The following TCTN2 variants were observed in gnomAD, a reference collection of about 807,000 sequenced individuals.
TCTN2 encodes the protein tectonic family member 2.
A neutral mutation model predicts 83.4 loss-of-function variants in TCTN2; 66 were observed. That is an observed-to-expected ratio of 0.79 (90% CI 0.65 to 0.97). The LOEUF (loss-of-function observed/expected upper bound fraction) is 0.97, where lower values mean the gene tolerates loss of function less well. TCTN2 is among the 50% of genes least tolerant of loss of function. The pLI is 0.00. For missense variants in TCTN2, 794 were observed against 858.1 expected (o/e 0.93, Z 0.93); for synonymous variants, 301 against 326.7 (o/e 0.92, Z 0.85).
chr12:123,704,325 C>G (rs1366732507), intron 14 of TCTN2, among the ~76,000 whole-genome samples: 1 of 152,108 alleles, frequency 6.6e-6, no homozygotes, highest in Admixed American at 6.6e-5. Flanking sequence ...ACATTTTAAA[C>G]ACAATTTTTA....
chr12:123,672,526 A>C (rs1321000883), intron 3 of TCTN2, among the ~76,000 whole-genome samples: 1 of 152,034 alleles, frequency 6.6e-6, no homozygotes. Context: ...GCTTGAGCCC[A>C]GGAGTTCCAG....
rs184900186 is a variant in TCTN2, at chr12:123,703,010, T to C, written c.1613-1522T>C. Among the ~76,000 whole-genome samples the C allele has an allele frequency of 2.0e-3, 306 of 152,284 alleles. 1 individual carries two copies. The highest frequency in any genetic ancestry group is 6.7e-3 in the African/African-American group (279 of 41,572). On this transcript the variant is annotated intron_variant, in intron 14 of 17. Coordinates refer to ENST00000303372, the MANE Select transcript of TCTN2 (RefSeq NM_024809.5). ...ATAGAACCTACCCTACTTCCTCCAA[T>C]TGACCTTGCTGGGTTTTCTCCAAGA...
rs771100210 is a variant in TCTN2, at chr12:123,699,749, C to T, written c.1551C>T (p.His517=). The change falls in exon 14 of 18, where the codon CAC becomes CAT. Residue 517 remains histidine, a synonymous_variant. Transcript: ENST00000303372. ...TTGATTCATTAATACAAGCGACTCA[C>T]GTTGCAATGAGAGGCAACTCCGATT... The part of the protein sequence containing the change: ...ERLDSLIQAT[H]VAMRGNSDYA... 15 of 1,614,200 alleles carry T rather than the reference C, an allele frequency of 9.3e-6. No homozygotes were observed. The highest frequency in any genetic ancestry group is 8.8e-5 in the South Asian group (8 of 91,090).
intron 4 of TCTN2, among the ~76,000 whole-genome samples, chr12:123,676,412 C>CA (rs1439610743): frequency 6.6e-5 from 10 of 151,528 alleles, no homozygotes; most frequent in Admixed American, 1.3e-4. Flanking sequence ...ACTAAAAATA[C>CA]AAAAAATTAG....
rs202078439 is a variant in TCTN2 at position 123,696,472 on chromosome 12, C to T, written c.1370C>T (p.Thr457Met). 7 of 1,613,946 alleles carry T rather than the reference C, an allele frequency of 4.3e-6. No individual in the cohort carries two copies. In the Admixed American group the frequency reaches 6.7e-5, roughly 15 times the overall value. ...AATATCAACAGGATGAATAATGTCACGACTTTACATCTTTGGCAATCGGGT... is the reference window on the plus strand; with the variant it reads ...AATATCAACAGGATGAATAATGTCATGACTTTACATCTTTGGCAATCGGGT... ...ALNINRMNNV[T>M]TLHLWQSAGR... Residue 457 changes from threonine (T) to methionine (M), a missense_variant, in exon 12 of 18, where the codon ACG becomes ATG. Thr to Met is a moderately conservative substitution (Grantham distance 81, BLOSUM62 -1). Coordinates refer to ENST00000303372, the MANE Select transcript of TCTN2 (RefSeq NM_024809.5).
intron 1 of TCTN2, 70 bp from the exon 2 acceptor site, chr12:123,671,437 C>T: frequency 6.3e-7 from 1 of 1,588,762 alleles, no homozygotes. Context: ...CAAAGCAAGC[C>T]GCCACACACA....
rs528023724 is a variant in TCTN2, at chr12:123,680,030, C to G, written c.564+741C>G. 2.0e-5 allele frequency among the ~76,000 whole-genome samples: 3 copies of G among 152,014 alleles called. No individual in the cohort carries two copies. The East Asian group carries it at 5.9e-4, about 30-fold the overall frequency. ...CGGGGATTACAGGCGTGAGCCACCGCGCCCAGCCCAAATTGAGTATTTTTT... is the reference window on the plus strand; with the variant it reads ...CGGGGATTACAGGCGTGAGCCACCGGGCCCAGCCCAAATTGAGTATTTTTT... On this transcript the variant is annotated intron_variant, in intron 5 of 17. Coordinates refer to ENST00000303372, the MANE Select transcript of TCTN2 (RefSeq NM_024809.5).
chr12:123,674,052 T>G (rs1955790494), intron 4 of TCTN2, among the ~76,000 whole-genome samples: 1 of 152,180 alleles, frequency 6.6e-6, no homozygotes, highest in African/African-American at 2.4e-5. Flanking sequence ...AGCTTACCTG[T>G]TTGATTATAA....
At chr12:123,694,786 A>G (rs1956087103) in intron 9 of TCTN2, 56 bp from the exon 10 acceptor site, 1 of 1,591,738 alleles carries the variant, frequency 6.3e-7, no homozygotes, top group African/African-American at 1.3e-5. Flanking sequence ...CCTCCCAGTA[A>G]CAGAGTCAGG....
At chr12:123,703,717 T>C (rs1013035395) in intron 14 of TCTN2, among the ~76,000 whole-genome samples, 2 of 152,184 alleles carry the variant, frequency 1.3e-5, no homozygotes, top group African/African-American at 4.8e-5. Flanking sequence ...CTCAAACTCC[T>C]GGGCTCAAGC....
chr12:123,700,721 G>T (rs1204481388), intron 14 of TCTN2, among the ~76,000 whole-genome samples: 1 of 152,178 alleles, frequency 6.6e-6, no homozygotes. Flanking sequence ...GTTAGCCACC[G>T]TGCCAGGCCG....
chr12:123,683,331 A>G (rs1171556801), intron 5 of TCTN2, among the ~76,000 whole-genome samples: 1 of 151,682 alleles, frequency 6.6e-6, no homozygotes, highest in Non-Finnish European at 1.5e-5. Context: ...CCCAGGCTGG[A>G]GAGCAGTGGT....
rs989824546 is a variant in TCTN2 at position 123,695,354 on chromosome 12, C to T, written c.1312+57C>T. 9 of 1,155,126 alleles carry T rather than the reference C, an allele frequency of 7.8e-6. No individual in the cohort carries two copies. In the Admixed American group the frequency reaches 1.2e-4, roughly 15 times the overall value. 71.6% of individuals were successfully genotyped at this position (1,155,126 alleles called of 1,614,324 possible). Reference sequence around the variant, plus strand: ...ACAAACATACTTTAGTTCAACACTCCCAGCCATCAGGATGGTTATAAGTAA... The same window carrying T: ...ACAAACATACTTTAGTTCAACACTCTCAGCCATCAGGATGGTTATAAGTAA... On this transcript the variant is annotated intron_variant, in intron 11 of 17. Transcript: ENST00000303372.
In TCTN2 at chr12:123,672,789, G is replaced by T. The variant is rs191049534; in HGVS notation, c.267+657G>T. Among the ~76,000 whole-genome samples, 512 of 152,212 alleles carry T rather than the reference G, an allele frequency of 3.4e-3. 1 individual carries two copies. Among genetic ancestry groups the T allele is most frequent in the Non-Finnish European group, 4.4e-3 (302 of 68,004 alleles). On this transcript the variant is annotated intron_variant, in intron 3 of 17. Transcript: ENST00000303372. ...AAGCTGGTCAGGCGCGGTGGCTCAC[G>T]CCTGTAATCCTAGCACTTTGGGAGG...
intron 4 of TCTN2, among the ~76,000 whole-genome samples, chr12:123,674,696 C>T (rs1340780975): frequency 6.6e-6 from 1 of 152,082 alleles, no homozygotes; most frequent in Non-Finnish European, 1.5e-5. Context: ...GAGTTCGAGA[C>T]CAACCTGGGC....
At chr12:123,687,118 G>A in intron 6 of TCTN2, 83 bp downstream of exon 6, 1 of 1,535,808 alleles carries the variant, frequency 6.5e-7, no homozygotes, top group African/African-American at 1.4e-5. Flanking sequence ...CTGCAACGCG[G>A]TCACGTTTTT....
chr12:123,707,103 T>G (rs769667782), intron 17 of TCTN2, 30 bp downstream of exon 17: 1 of 1,596,480 alleles, frequency 6.3e-7, no homozygotes, highest in Non-Finnish European at 8.6e-7. Flanking sequence ...TATGACCAAT[T>G]ATGTTATGTC....
chr12:123,704,685 C>T lies in TCTN2; in HGVS notation c.1766C>T (p.Thr589Ile). Residue 589 changes from threonine (T) to isoleucine (I), a missense_variant, in exon 15 of 18, where the codon ACA (threonine) becomes ATA (isoleucine). Transcript: ENST00000303372. The stretch of plus-strand genomic sequence containing the variant: ...CAGCAGGAGATACTCGGTGTAGAGA[C>T]AAGGTATGATCACATCTTGGATCAC... ...ITQQEILGVETRFSSVNWQYQ... is the reference protein window; with the variant it reads ...ITQQEILGVEIRFSSVNWQYQ... The T allele has an allele frequency of 1.2e-6, 2 of 1,613,218 alleles. No homozygotes were observed. Among genetic ancestry groups the T allele is most frequent in the South Asian group, 1.1e-5 (1 of 91,020 alleles).
At position 123,695,297 on chromosome 12, in the gene TCTN2, G is replaced by C. The variant is rs1566257596; in HGVS notation, c.1312G>C (p.Gly438Arg). 6.4e-7 allele frequency: 1 copy of C among 1,564,218 alleles called. No individual in the cohort carries two copies. Among genetic ancestry groups the C allele is most frequent in the Non-Finnish European group, 8.8e-7 (1 of 1,134,924 alleles). The change falls in exon 11 of 18, where the codon GGT (glycine) becomes CGT (arginine). Residue 438 changes from glycine (G) to arginine (R), a missense_variant and splice_region_variant. Gly to Arg is a moderately radical substitution (Grantham distance 125, BLOSUM62 -2). Transcript: ENST00000303372. ...TGAAGAAGAATTATCTGGAAATCCA[G>C]GTAAGATGAGTATATGCCAGTCATT... ...GNEEELSGNP[G>R]YQLGKPVRAL...
Sources: allele counts gnomAD v4.1 joint callset (sites outside exome capture counted in the v4.1 genomes callset), GRCh38; gene constraint gnomAD v4.1.1; transcripts MANE v1.5; gene names NCBI Gene and HGNC (gene_info 2026-07-23, HGNC 2026-07-21).